CAMKMT: variants seen among roughly 807,000 people sequenced by gnomAD.
CAMKMT encodes CaM KMT.
CAMKMT carries 53 observed loss-of-function variants against 48.0 expected under a neutral mutation model. The observed-to-expected ratio is 1.10, with a 90% confidence interval of 0.89 to 1.39. The LOEUF is 1.39. Ranked by LOEUF, CAMKMT falls within the 40% of genes most tolerant of loss-of-function variation. The pLI is 0.00. For missense variants in CAMKMT, 428 were observed against 402.7 expected (o/e 1.06, Z -0.54); for synonymous variants, 165 against 152.3 (o/e 1.08, Z -0.61).
chr2:44,538,988 GTGT>G (rs1666939410), intron 3 of CAMKMT, among the ~76,000 whole-genome samples: 1 of 150,066 alleles, frequency 6.7e-6, no homozygotes, highest in Non-Finnish European at 1.5e-5. Context: ...GTGTGTGTGT[GTGT>G]GTGTGTGTGT....
At chr2:44,559,022 A>G (rs139096025) in intron 3 of CAMKMT, among the ~76,000 whole-genome samples, 510 of 152,230 alleles carry the variant, frequency 3.4e-3, no homozygotes, top group African/African-American at 0.011. Context: ...GACAGACATT[A>G]TCTGTCTATC....
At chr2:44,389,133 C>CA (rs1163438870) in intron 2 of CAMKMT, among the ~76,000 whole-genome samples, 1 of 152,052 alleles carries the variant, frequency 6.6e-6, no homozygotes, top group Non-Finnish European at 1.5e-5. Context: ...CATGTAGGGG[C>CA]AGGGCTAGGC....
chr2:44,706,550 A>G (rs998453798), intron 5 of CAMKMT, among the ~76,000 whole-genome samples: 8 of 151,820 alleles, frequency 5.3e-5, no homozygotes, highest in African/African-American at 1.7e-4. Flanking sequence ...ACCTCAGTGT[A>G]GTCAATATTG....
At chr2:44,722,177 T>G (rs1678501561) in intron 7 of CAMKMT, among the ~76,000 whole-genome samples, 1 of 1,812 alleles carries the variant, frequency 5.5e-4, no homozygotes, top group East Asian at 0.1. Context: ...TTCTTTTTTC[T>G]TTTTTTTTTT....
intron 3 of CAMKMT, among the ~76,000 whole-genome samples, chr2:44,451,393 G>A (rs528229757): frequency 6.6e-6 from 1 of 151,860 alleles, no homozygotes. Context: ...AACTAAAAAG[G>A]TTTTTGTTTT....
intron 4 of CAMKMT, among the ~76,000 whole-genome samples, chr2:44,704,970 A>G (rs1329650504): frequency 1.3e-5 from 2 of 152,090 alleles, no homozygotes; most frequent in African/African-American, 2.4e-5. Context: ...TGAAAATTCT[A>G]AAGATGTTTG....
At chr2:44,365,177 G>A (rs900435540) in intron 1 of CAMKMT, among the ~76,000 whole-genome samples, 4 of 152,120 alleles carry the variant, frequency 2.6e-5, no homozygotes, top group Non-Finnish European at 5.9e-5. Flanking sequence ...TTTCTCGCTC[G>A]TGGGACATCT....
intron 3 of CAMKMT, among the ~76,000 whole-genome samples, chr2:44,651,977 A>G (rs1330564406): frequency 6.6e-6 from 1 of 152,226 alleles, no homozygotes; most frequent in African/African-American, 2.4e-5. Flanking sequence ...TGAAAAAGTG[A>G]CATTTGAAGA....
intron 3 of CAMKMT, among the ~76,000 whole-genome samples, chr2:44,612,989 TTGTC>T (rs1671680502): frequency 6.6e-6 from 1 of 152,164 alleles, no homozygotes; most frequent in African/African-American, 2.4e-5. Context: ...TCCAGATACA[TTGTC>T]TGGCAATATG....
chr2:44,538,194 C>T (rs1459749652), intron 3 of CAMKMT, among the ~76,000 whole-genome samples: 1 of 151,674 alleles, frequency 6.6e-6, no homozygotes, highest in African/African-American at 2.4e-5. Context: ...ATGGTGAAAC[C>T]CTGTCTCTAC....
rs1680751072 is a variant in CAMKMT at position 44,764,469 on chromosome 2, C to T, written c.763-1961C>T. Reference sequence around the variant, plus strand: ...AAAGGCAGGGCAGGCTTTGTTCTTCCCATTTAATGGATGAGAAAACTCAGT... The same window carrying T: ...AAAGGCAGGGCAGGCTTTGTTCTTCTCATTTAATGGATGAGAAAACTCAGT... On this transcript the variant is annotated intron_variant, in intron 9 of 10. Transcript: ENST00000378494. Among the ~76,000 whole-genome samples, 3 of 152,220 alleles carry T rather than the reference C, an allele frequency of 2.0e-5. No individual in the cohort carries two copies. The South Asian group carries it at 6.2e-4, about 32-fold the overall frequency.
At chr2:44,417,633 A>G (rs1683649007) in intron 3 of CAMKMT, among the ~76,000 whole-genome samples, 1 of 152,156 alleles carries the variant, frequency 6.6e-6, no homozygotes, top group African/African-American at 2.4e-5. Flanking sequence ...ATATTACCAA[A>G]CTGTTTTCCC....
chr2:44,727,515 G>C (rs1038174752), intron 7 of CAMKMT, among the ~76,000 whole-genome samples: 2 of 152,176 alleles, frequency 1.3e-5, no homozygotes, highest in Non-Finnish European at 2.9e-5. Context: ...GAGCCTTTTG[G>C]CAGAGTCTTT....
intron 1 of CAMKMT, among the ~76,000 whole-genome samples, chr2:44,364,065 C>T (rs888312758): frequency 3.7e-5 from 5 of 135,056 alleles, no homozygotes; most frequent in African/African-American, 1.1e-4. Context: ...GTTGCCCAGG[C>T]AGGTAACTCC....
chr2:44,409,419 A>G (rs1683039040), intron 3 of CAMKMT, among the ~76,000 whole-genome samples: 2 of 152,056 alleles, frequency 1.3e-5, no homozygotes, highest in Non-Finnish European at 2.9e-5. Flanking sequence ...CAAATTAGGT[A>G]TTGGCTGGTT....
intron 3 of CAMKMT, among the ~76,000 whole-genome samples, chr2:44,484,933 C>T (rs1041006170): frequency 3.3e-5 from 5 of 152,042 alleles, no homozygotes; most frequent in African/African-American, 1.2e-4. Flanking sequence ...ACTTCACGAA[C>T]AGTATATCCA....
At chr2:44,499,715 A>C (rs1251944009) in intron 3 of CAMKMT, among the ~76,000 whole-genome samples, 1 of 152,232 alleles carries the variant, frequency 6.6e-6, no homozygotes, top group Non-Finnish European at 1.5e-5. Flanking sequence ...TTGAGTGAAC[A>C]TGAGGTTCTG....
rs190653164 is a variant in CAMKMT at position 44,584,323 on chromosome 2, C to T, written c.377-119960C>T. On this transcript the variant is annotated intron_variant, in intron 3 of 10. Transcript: ENST00000378494. Reference sequence around the variant, plus strand: ...ATAAGGTAAGATGAAAGAAGTGGTACATTTTTATTTATGAGCTGTGAAAAT... The same window carrying T: ...ATAAGGTAAGATGAAAGAAGTGGTATATTTTTATTTATGAGCTGTGAAAAT... Among the ~76,000 whole-genome samples the T allele has an allele frequency of 1.2e-3, 188 of 152,244 alleles. 3 individuals are homozygous for T. The highest frequency in any genetic ancestry group is 2.1e-4 in the Non-Finnish European group (14 of 68,006).
chr2:44,743,607 C>A lies in CAMKMT; in HGVS notation c.624-15C>A, dbSNP rs1176953597. The A allele has an allele frequency of 1.9e-6, 3 of 1,590,794 alleles. No homozygotes were observed. Among genetic ancestry groups the A allele is most frequent in the East Asian group, 2.2e-5 (1 of 44,690 alleles). ...AAACCCTATGTATAATTTTTAAAATCTTTTTCTCCTCAAGCGTTTTACGAT... is the reference window on the plus strand; with the variant it reads ...AAACCCTATGTATAATTTTTAAAATATTTTTCTCCTCAAGCGTTTTACGAT... On this transcript the variant is annotated splice_polypyrimidine_tract_variant and intron_variant, in intron 7 of 10. Transcript: ENST00000378494.
Sources: allele counts gnomAD v4.1 joint callset (sites outside exome capture counted in the v4.1 genomes callset), GRCh38; gene constraint gnomAD v4.1.1; transcripts MANE v1.5; gene names NCBI Gene and HGNC (gene_info 2026-07-23, HGNC 2026-07-21).